The following PLAT variants were observed in gnomAD, a reference collection of about 807,000 sequenced individuals.
PLAT encodes tissue-type plasminogen activator.
In PLAT, 48 loss-of-function variants were observed where a neutral mutation model predicts 74.9. That is an observed-to-expected ratio of 0.64 (90% CI 0.51 to 0.82). The LOEUF (loss-of-function observed/expected upper bound fraction) is 0.82. PLAT is among the 40% of genes least tolerant of loss of function. The pLI, the probability that PLAT is intolerant of heterozygous loss-of-function variation, is 0.00. For synonymous variants in PLAT, 307 were observed against 294.4 expected, an observed-to-expected ratio of 1.04 and a Z score of -0.44; for missense variants, 673 against 736.2, an observed-to-expected ratio of 0.91 and a Z score of 0.99.
intron 2 of PLAT, 64 bp from the exon 3 acceptor site, chr8:42,191,478 G>C: frequency 6.6e-7 from 1 of 1,508,976 alleles, no homozygotes; most frequent in East Asian, 2.3e-5. Flanking sequence ...AGTAAAGGCG[G>C]CCAACCCAGA....
Position 42,187,482 on chromosome 8 carries a change from T to C in PLAT, c.455A>G (p.Asn152Ser). Residue 152 changes from asparagine (N) to serine (S), a missense_variant, in exon 6 of 14, where the codon AAC (asparagine) becomes AGC (serine). By Grantham distance (46) the Asn-to-Ser change is conservative (BLOSUM62 1). Coordinates refer to ENST00000220809, the MANE Select transcript of PLAT (RefSeq NM_000930.5). ...GGGCTTCTGGGCCAACGCGCTGCTG[T>C]TCCAGTTGGTGCACTCGGCGCCACT... is the stretch of plus-strand genomic sequence containing the variant. The part of the protein sequence containing the change: ...AESGAECTNW[N>S]SSALAQKPYS... 1 of 1,610,390 alleles carries C rather than the reference T, an allele frequency of 6.2e-7. No individual in the cohort carries two copies. Among genetic ancestry groups the C allele is most frequent in the Non-Finnish European group, 8.5e-7 (1 of 1,179,854 alleles).
At chr8:42,201,719 C>T (rs2129817764) in intron 1 of PLAT, among the ~76,000 whole-genome samples, 2 of 152,272 alleles carry the variant, frequency 1.3e-5, no homozygotes, top group South Asian at 4.1e-4. Context: ...CATGCAGAGG[C>T]CACTGTGGAC....
chr8:42,179,700 G>GCAGCA (rs1398880922), intron 12 of PLAT, among the ~76,000 whole-genome samples: 10 of 152,188 alleles, frequency 6.6e-5, no homozygotes, highest in Non-Finnish European at 2.9e-5. Flanking sequence ...CCCAACACCT[G>GCAGCA]CAGCACTTCG....
chr8:42,195,227 C>G (rs922380134), intron 1 of PLAT, among the ~76,000 whole-genome samples: 12 of 108,214 alleles, frequency 1.1e-4, no homozygotes, highest in Non-Finnish European at 2.3e-4. Flanking sequence ...GAAACGAACT[C>G]CCCCGTGGGA....
chr8:42,205,750 C>G (rs1003326372), intron 1 of PLAT, among the ~76,000 whole-genome samples: 1 of 152,174 alleles, frequency 6.6e-6, no homozygotes, highest in African/African-American at 2.4e-5. Context: ...TCTCATGTCT[C>G]CCTGAAATGT....
intron 13 of PLAT, among the ~76,000 whole-genome samples, chr8:42,178,271 T>C (rs949770876): frequency 4.3e-4 from 64 of 147,926 alleles, no homozygotes; most frequent in Middle Eastern, 3.4e-3. Context: ...TTTCTTTTTT[T>C]TTTTTTTTTT....
At chr8:42,196,338 C>G (rs1805904983) in intron 1 of PLAT, among the ~76,000 whole-genome samples, 1 of 152,206 alleles carries the variant, frequency 6.6e-6, no homozygotes, top group South Asian at 2.1e-4. Flanking sequence ...CTTCCCTGGA[C>G]CTTCCTGCGC....
At chr8:42,198,713 T>C (rs1414159461) in intron 1 of PLAT, among the ~76,000 whole-genome samples, 1 of 152,256 alleles carries the variant, frequency 6.6e-6, no homozygotes, top group Non-Finnish European at 1.5e-5. Flanking sequence ...TGTTGCACCA[T>C]GTGCAAAGTT....
In PLAT at chr8:42,194,050, C is replaced by CTTTTTTTTT. The variant is rs59850705; in HGVS notation, c.-26-848_-26-840dup. Among the ~76,000 whole-genome samples the CTTTTTTTTT allele has an allele frequency of 4.3e-3, 362 of 84,906 alleles. 20 individuals are homozygous for CTTTTTTTTT. The highest frequency in any genetic ancestry group is 6.6e-3 in the African/African-American group (132 of 19,958). 55.7% of individuals were successfully genotyped at this position (84,906 alleles called of 152,430 possible). On this transcript the variant is annotated intron_variant, in intron 1 of 13. Transcript: ENST00000220809. ...CTTTTTCCTTTCTTCTTTCTTCTTT[C>CTTTTTTTTT]TTTTTTTTTTTTTTTTTTTTGAGAC...
intron 8 of PLAT, 164 bp downstream of exon 8, chr8:42,182,555 T>C: frequency 1.8e-6 from 1 of 552,498 alleles, no homozygotes; most frequent in Non-Finnish European, 3.1e-6. Flanking sequence ...CTTTTCACAA[T>C]ATGTGTTATT....
intron 13 of PLAT, among the ~76,000 whole-genome samples, chr8:42,178,114 C>T (rs1805043541): frequency 6.6e-6 from 1 of 152,214 alleles, no homozygotes; most frequent in African/African-American, 2.4e-5. Flanking sequence ...AAATAGTGTG[C>T]TTTCCCAGGG....
intron 2 of PLAT, 137 bp from the exon 3 acceptor site, chr8:42,191,551 A>G (rs550627278): frequency 6.9e-6 from 5 of 725,230 alleles, no homozygotes; most frequent in Non-Finnish European, 1.2e-5. Context: ...AACTGGCCCA[A>G]GTGAAAGTCC....
intron 6 of PLAT, 182 bp downstream of exon 6, chr8:42,187,213 TATC>T (rs957836586): frequency 2.0e-5 from 10 of 501,724 alleles, no homozygotes; most frequent in African/African-American, 1.5e-4. Context: ...ATCTATCACC[TATC>T]ATCTATCATC....
intron 7 of PLAT, among the ~76,000 whole-genome samples, 194 bp from the exon 8 acceptor site, chr8:42,183,084 A>G (rs8178774): frequency 0.019 from 2,919 of 152,168 alleles, 89 homozygotes; most frequent in African/African-American, 0.067. Context: ...GCTCACTGCA[A>G]TCTCCACCTC....
intron 1 of PLAT, among the ~76,000 whole-genome samples, chr8:42,203,523 C>G (rs1415437950): frequency 2.0e-5 from 3 of 152,188 alleles, no homozygotes; most frequent in Admixed American, 2.0e-4. Context: ...TTGCTGTGTG[C>G]CCAGCACCTG....
At chr8:42,182,050 C>T (rs1805268799) in intron 8 of PLAT, 28 bp from the exon 9 acceptor site, 1 of 1,394,156 alleles carries the variant, frequency 7.2e-7, no homozygotes, top group Non-Finnish European at 1.0e-6. Flanking sequence ...TTAAGGTTTC[C>T]TTTTTATCTT....
intron 7 of PLAT, among the ~76,000 whole-genome samples, chr8:42,183,265 A>T (rs1805323785): frequency 1.3e-5 from 2 of 152,162 alleles, no homozygotes; most frequent in Admixed American, 6.5e-5. Context: ...AGCCTCCCAA[A>T]GTGCTGGGAG....
At chr8:42,207,341 C>T (rs1806381679) in intron 1 of PLAT, among the ~76,000 whole-genome samples, 153 bp downstream of exon 1, 1 of 152,206 alleles carries the variant, frequency 6.6e-6, no homozygotes, top group South Asian at 2.1e-4. Context: ...ACAGACATCT[C>T]CCCTCTGGAG....
In PLAT at chr8:42,191,418, C is replaced by T. The variant is rs371783448; in HGVS notation, c.73-4G>A. On this transcript the variant is annotated splice_region_variant and splice_polypyrimidine_tract_variant and intron_variant, in intron 2 of 13. Transcript: ENST00000220809. Reference sequence around the variant, plus strand: ...TTCTGAATCGGGCATGGATTTCCTGCGAAGAAACCAGAGGTGGAGGAAGGA... The same window carrying T: ...TTCTGAATCGGGCATGGATTTCCTGTGAAGAAACCAGAGGTGGAGGAAGGA... The T allele has an allele frequency of 8.1e-6, 13 of 1,613,844 alleles. No homozygotes were observed. The highest frequency in any genetic ancestry group is 6.7e-5 in the African/African-American group (5 of 74,896).
Sources: gnomAD v4.1 joint callset for allele counts (sites outside exome capture counted in the v4.1 genomes callset) on GRCh38, gnomAD v4.1.1 for gene constraint, MANE v1.5 for transcripts, NCBI Gene and HGNC (gene_info 2026-07-23, HGNC 2026-07-21) for gene names.